The following DSCAM variants were observed in gnomAD, a reference collection of about 807,000 sequenced individuals.
The protein encoded by DSCAM is cell adhesion molecule DSCAM.
DSCAM carries 47 observed loss-of-function variants against 217.7 expected under a neutral mutation model. The observed-to-expected ratio is 0.22, with a 90% CI of 0.17 to 0.28. The LOEUF is 0.28. Ranked by LOEUF, DSCAM falls within the 10% of genes least tolerant of loss-of-function variation. The probability of loss-of-function intolerance (pLI) is 1.00; values close to 1 mark genes in which losing one functional copy is unlikely to be tolerated. For missense variants in DSCAM, 2,080 were observed against 2,618.3 expected (o/e 0.79, Z 4.49); for synonymous variants, 1,056 against 1,015.3 (o/e 1.04, Z -0.76).
intron 1 of DSCAM, among the ~76,000 whole-genome samples, chr21:40,779,788 A>G (rs911446633): frequency 2.0e-5 from 3 of 152,184 alleles, no homozygotes; most frequent in African/African-American, 7.2e-5. Context: ...AAGTGGAATT[A>G]CCTGGGTATC....
At chr21:40,475,050 G>A (rs1413787578) in intron 3 of DSCAM, among the ~76,000 whole-genome samples, 2 of 151,994 alleles carry the variant, frequency 1.3e-5, no homozygotes, top group African/African-American at 2.4e-5. Context: ...CACCTACCCT[G>A]GATGCTGAAG....
At chr21:40,296,215 A>G in intron 9 of DSCAM, 41 bp from the exon 10 acceptor site, 1 of 1,607,858 alleles carries the variant, frequency 6.2e-7, no homozygotes. Flanking sequence ...AGACTAGACC[A>G]GAAACTGAGT....
chr21:40,773,358 T>C (rs1443809972), intron 1 of DSCAM, among the ~76,000 whole-genome samples: 1 of 152,188 alleles, frequency 6.6e-6, no homozygotes, highest in Non-Finnish European at 1.5e-5. Context: ...ATACTTTGGC[T>C]TGTAGACACA....
At chr21:40,273,021 T>A (rs2073640183) in intron 11 of DSCAM, among the ~76,000 whole-genome samples, 1 of 152,152 alleles carries the variant, frequency 6.6e-6, no homozygotes. Context: ...TACCTCCCCA[T>A]GGGCCATGGA....
At chr21:40,673,563 G>C (rs67952726) in intron 3 of DSCAM, among the ~76,000 whole-genome samples, 52,728 of 151,956 alleles carry the variant, frequency 0.35, 10,577 homozygotes, top group Non-Finnish European at 0.45. Context: ...CTGGTGGTAT[G>C]GCTTGGATCT....
intron 3 of DSCAM, among the ~76,000 whole-genome samples, chr21:40,612,509 C>T (rs1444919430): frequency 2.0e-5 from 3 of 152,106 alleles, no homozygotes; most frequent in African/African-American, 7.2e-5. Flanking sequence ...TCAGATTTGC[C>T]GCGAGGAGAA....
intron 16 of DSCAM, among the ~76,000 whole-genome samples, chr21:40,158,397 A>G (rs1432836693): frequency 6.6e-6 from 1 of 152,174 alleles, no homozygotes; most frequent in Admixed American, 6.5e-5. Context: ...CTGTCTCAAA[A>G]CAAAAACAAA....
chr21:40,637,605 A>AT (rs1491146786), intron 3 of DSCAM, among the ~76,000 whole-genome samples: 2 of 41,634 alleles, frequency 4.8e-5, no homozygotes, highest in African/African-American at 1.5e-4. Context: ...ATATATATAT[A>AT]AATATATATA....
chr21:40,566,898 G>C (rs2146196500), intron 3 of DSCAM, among the ~76,000 whole-genome samples: 1 of 152,200 alleles, frequency 6.6e-6, no homozygotes, highest in South Asian at 2.1e-4. Context: ...CCCTCTGTGA[G>C]ACACAGGAAA....
intron 2 of DSCAM, among the ~76,000 whole-genome samples, chr21:40,704,010 A>C (rs1417025843): frequency 1.3e-5 from 2 of 152,142 alleles, no homozygotes; most frequent in Non-Finnish European, 2.9e-5. Flanking sequence ...AATGTGATAC[A>C]TTTGTGACAA....
intron 27 of DSCAM, among the ~76,000 whole-genome samples, chr21:40,067,333 C>T (rs1410240648): frequency 6.6e-6 from 1 of 152,188 alleles, no homozygotes. Flanking sequence ...TTTTCTAACA[C>T]CTCTAATTTA....
chr21:40,745,351 C>T (rs1337807738), intron 1 of DSCAM, among the ~76,000 whole-genome samples: 1 of 152,046 alleles, frequency 6.6e-6, no homozygotes, highest in African/African-American at 2.4e-5. Flanking sequence ...TTAACCAAGG[C>T]ACAGCATCAA....
At chr21:40,249,135 C>A (rs931031188) in intron 11 of DSCAM, among the ~76,000 whole-genome samples, 1 of 152,160 alleles carries the variant, frequency 6.6e-6, no homozygotes, top group Non-Finnish European at 1.5e-5. Flanking sequence ...TACCAATGAA[C>A]ATCAGTTTTG....
intron 20 of DSCAM, among the ~76,000 whole-genome samples, chr21:40,113,183 C>A (rs1478074641): frequency 6.6e-6 from 1 of 151,976 alleles, no homozygotes; most frequent in South Asian, 2.1e-4. Flanking sequence ...TACTGGCAAA[C>A]CGAATAAGCA....
chr21:40,104,702 G>C (rs559984033), intron 20 of DSCAM, among the ~76,000 whole-genome samples: 2 of 152,116 alleles, frequency 1.3e-5, no homozygotes, highest in Admixed American at 6.6e-5. Flanking sequence ...ATGAACACTG[G>C]CTAATAATGA....
At chr21:40,397,379 G>A (rs536347806) in intron 3 of DSCAM, among the ~76,000 whole-genome samples, 1 of 151,912 alleles carries the variant, frequency 6.6e-6, no homozygotes, top group African/African-American at 2.4e-5. Flanking sequence ...AAAAGTGTGT[G>A]GCAACTCCCT....
At chr21:40,418,597 G>T (rs2075394030) in intron 3 of DSCAM, among the ~76,000 whole-genome samples, 1 of 152,126 alleles carries the variant, frequency 6.6e-6, no homozygotes, top group Non-Finnish European at 1.5e-5. Flanking sequence ...AAGTAAGATT[G>T]TTTAGCAAAC....
At chr21:40,236,025 A>G (rs768839203) in intron 11 of DSCAM, among the ~76,000 whole-genome samples, 7 of 152,218 alleles carry the variant, frequency 4.6e-5, no homozygotes, top group Non-Finnish European at 8.8e-5. Context: ...GGGTGGAAAC[A>G]CTGTGGGTTG....
At chr21:40,589,760 G>C (rs946672956) in intron 3 of DSCAM, among the ~76,000 whole-genome samples, 1 of 152,160 alleles carries the variant, frequency 6.6e-6, no homozygotes, top group African/African-American at 2.4e-5. Flanking sequence ...TTGCAATCTA[G>C]CATGTGCGGT....
Sources: gnomAD v4.1 joint callset for allele counts (sites outside exome capture counted in the v4.1 genomes callset) on GRCh38, gnomAD v4.1.1 for gene constraint, MANE v1.5 for transcripts, NCBI Gene and HGNC (gene_info 2026-07-23, HGNC 2026-07-21) for gene names.